Variants in STX2 observed in about 807,000 individuals in gnomAD.
The protein encoded by STX2 is syntaxin 2.
A neutral mutation model predicts 40.6 loss-of-function variants in STX2; 27 were observed. The ratio of observed to expected loss-of-function variants is 0.66; its 90% confidence interval spans 0.49 to 0.92. The LOEUF is 0.92. STX2 is among the 40% of genes least tolerant of loss of function. The probability of loss-of-function intolerance (pLI) is 0.00; values close to 1 mark genes in which losing one functional copy is unlikely to be tolerated. For synonymous variants in STX2, 123 were observed against 119.1 expected, an observed-to-expected ratio of 1.03 and a Z score of -0.22; for missense variants, 328 against 366.1, an observed-to-expected ratio of 0.90 and a Z score of 0.85.
intron 6 of STX2, among the ~76,000 whole-genome samples, 188 bp downstream of exon 6, chr12:130,806,794 G>A (rs1156932530): frequency 6.6e-6 from 1 of 152,226 alleles, no homozygotes; most frequent in Non-Finnish European, 1.5e-5. Context: ...CCACCGCTTA[G>A]GACTTCCTGA....
intron 10 of STX2, among the ~76,000 whole-genome samples, chr12:130,794,925 C>G (rs376818974): frequency 6.6e-6 from 1 of 152,172 alleles, no homozygotes; most frequent in African/African-American, 2.4e-5. Context: ...TTGTGCCAAA[C>G]ATTTACAGAG....
chr12:130,801,338 T>G, intron 7 of STX2, 48 bp from the exon 8 acceptor site: 1 of 1,595,080 alleles, frequency 6.3e-7, no homozygotes, highest in Non-Finnish European at 8.6e-7. Flanking sequence ...TTATGATGGG[T>G]TTGGAAGTTA....
At chr12:130,816,667 C>T (rs182083882) in intron 3 of STX2, among the ~76,000 whole-genome samples, 2 of 151,620 alleles carry the variant, frequency 1.3e-5, no homozygotes, top group African/African-American at 2.4e-5. Flanking sequence ...TAACAAGGTG[C>T]GAAAATAAAT....
intron 1 of STX2, among the ~76,000 whole-genome samples, chr12:130,836,700 T>C (rs1456536028): frequency 6.6e-6 from 1 of 152,244 alleles, no homozygotes; most frequent in African/African-American, 2.4e-5. Flanking sequence ...AATTTTATGC[T>C]TCATAACTCC....
At chr12:130,812,230 TTAAG>T in intron 4 of STX2, 1 of 359,452 alleles carries the variant, frequency 2.8e-6, no homozygotes. Context: ...TTCTGTACTA[TTAAG>T]TAATTATAAT....
intron 1 of STX2, among the ~76,000 whole-genome samples, chr12:130,834,957 T>C (rs1043451449): frequency 1.3e-5 from 2 of 152,206 alleles, no homozygotes; most frequent in African/African-American, 2.4e-5. Flanking sequence ...AAAATAACTT[T>C]TAAAAATATC....
At chr12:130,818,059 G>A (rs1479291234) in intron 3 of STX2, among the ~76,000 whole-genome samples, 1 of 151,048 alleles carries the variant, frequency 6.6e-6, no homozygotes. Context: ...AGCTCCTTAC[G>A]GGGAGTACGC....
chr12:130,818,733 G>C (rs1487184717), intron 3 of STX2, among the ~76,000 whole-genome samples: 1 of 152,162 alleles, frequency 6.6e-6, no homozygotes, highest in Non-Finnish European at 1.5e-5. Flanking sequence ...GGGAACGGCT[G>C]AGGGAACAGG....
intron 1 of STX2, among the ~76,000 whole-genome samples, chr12:130,837,208 G>A (rs1350656190): frequency 2.6e-5 from 4 of 151,766 alleles, no homozygotes; most frequent in African/African-American, 4.8e-5. Context: ...TATCTCCTGG[G>A]CTCAAGGAAT....
intron 3 of STX2, among the ~76,000 whole-genome samples, chr12:130,820,804 G>T (rs528775435): frequency 6.6e-6 from 1 of 152,334 alleles, no homozygotes; most frequent in East Asian, 1.9e-4. Context: ...GCACAGACCG[G>T]CATTAAAGGC....
intron 3 of STX2, among the ~76,000 whole-genome samples, chr12:130,814,049 T>C (rs778269612): frequency 1.3e-5 from 2 of 152,204 alleles, no homozygotes; most frequent in Non-Finnish European, 2.9e-5. Flanking sequence ...GAGTACCCAC[T>C]GCACACAAGC....
Position 130,807,017 on chromosome 12 carries a change from C to A in STX2, c.428G>T (p.Arg143Leu). The change falls in exon 6 of 11, where the codon CGG (arginine) becomes CTG (leucine). Residue 143 changes from arginine (R) to leucine (L), a missense_variant. By Grantham distance (102) the Arg-to-Leu change is moderately radical (BLOSUM62 -2). Coordinates refer to ENST00000392373, the MANE Select transcript of STX2 (RefSeq NM_194356.4). ...YNEAQTLFRE[R>L]SKGRIQRQLE... ...CTGGCGCTGGATGCGGCCTTTGCTC[C>A]GCTCCCGAAACAGAGTCTGTGCCTC... 6.2e-7 allele frequency: 1 copy of A among 1,614,152 alleles called. No homozygotes were observed. Among genetic ancestry groups the A allele is most frequent in the Non-Finnish European group, 8.5e-7 (1 of 1,180,024 alleles).
At chr12:130,818,185 A>AAAAAAAAAATATATATAT in intron 3 of STX2, among the ~76,000 whole-genome samples, 63 of 70,480 alleles carry the variant, frequency 8.9e-4, no homozygotes, top group Non-Finnish European at 1.3e-3. Flanking sequence ...AAAAAAAAAA[A>AAAAAAAAAATATATATAT]ATATATATAT....
At chr12:130,812,763 T>G in intron 4 of STX2, 194 bp downstream of exon 4, 2 of 500,584 alleles carry the variant, frequency 4.0e-6, no homozygotes, top group Non-Finnish European at 7.0e-6. Context: ...AATGTAACAG[T>G]ATAACAGTTT....
intron 3 of STX2, among the ~76,000 whole-genome samples, chr12:130,813,422 C>T (rs756269850): frequency 1.1e-4 from 17 of 152,220 alleles, no homozygotes; most frequent in African/African-American, 2.9e-4. Flanking sequence ...AAAACGGAGA[C>T]GTAACGATGA....
At chr12:130,800,299 A>ATTTTT in intron 8 of STX2, among the ~76,000 whole-genome samples, 1 of 143,568 alleles carries the variant, frequency 7.0e-6, no homozygotes, top group African/African-American at 2.5e-5. Context: ...ATATGTGTGT[A>ATTTTT]TTTTTTTTTT....
chr12:130,839,158 G>C lies in STX2; in HGVS notation c.-59C>G. 1.7e-6 allele frequency: 2 copies of C among 1,159,276 alleles called. No homozygotes were observed. The highest frequency in any genetic ancestry group is 4.7e-5 in the Admixed American group (1 of 21,202). 71.8% of individuals were successfully genotyped at this position (1,159,276 alleles called of 1,614,324 possible). On this transcript the variant is annotated 5_prime_UTR_variant, in exon 1 of 11. Transcript: ENST00000392373. ...AGCCTGTCCCGAGCTGCCTCCGGCC[G>C]GGCCTCGGGCTCTCCGGTCTCCGCC...
chr12:130,826,044 T>C (rs1952290151), intron 2 of STX2, among the ~76,000 whole-genome samples: 1 of 152,192 alleles, frequency 6.6e-6, no homozygotes, highest in South Asian at 2.1e-4. Flanking sequence ...ACACCTCAGA[T>C]AGGATCCCAG....
intron 6 of STX2, among the ~76,000 whole-genome samples, chr12:130,803,657 GCTCT>G (rs1291284235): frequency 2.7e-5 from 3 of 112,158 alleles, no homozygotes; most frequent in Admixed American, 2.1e-4. Flanking sequence ...ACAGCGTGAG[GCTCT>G]CTCTCAAAAA....
Sources: allele counts gnomAD v4.1 joint callset (sites outside exome capture counted in the v4.1 genomes callset), GRCh38; gene constraint gnomAD v4.1.1; transcripts MANE v1.5; gene names NCBI Gene and HGNC (gene_info 2026-07-23, HGNC 2026-07-21).